The following MYO9B variants were observed in gnomAD, a reference collection of about 807,000 sequenced individuals.
The protein encoded by MYO9B is unconventional myosin-IXb.
MYO9B carries 71 observed loss-of-function variants against 229.5 expected under a neutral mutation model. That is an observed-to-expected ratio of 0.31 (90% CI 0.26 to 0.38). The LOEUF is 0.38. MYO9B is among the 10% of genes least tolerant of loss of function. The probability of loss-of-function intolerance (pLI) is 1.00; values close to 1 mark genes in which losing one functional copy is unlikely to be tolerated. For missense variants in MYO9B, 2,255 were observed against 2,920.5 expected, an observed-to-expected ratio of 0.77 and a Z score of 5.25; for synonymous variants, 1,185 against 1,235.8, an observed-to-expected ratio of 0.96 and a Z score of 0.86.
At chr19:17,191,440 G>A (rs934265126) in intron 20 of MYO9B, among the ~76,000 whole-genome samples, 3 of 152,118 alleles carry the variant, frequency 2.0e-5, no homozygotes, top group Non-Finnish European at 4.4e-5. Flanking sequence ...CTCCCTCCGC[G>A]TCACCTGTTT....
At chr19:17,112,865 G>A (rs1599335477) in intron 2 of MYO9B, among the ~76,000 whole-genome samples, 2 of 152,344 alleles carry the variant, frequency 1.3e-5, no homozygotes, top group African/African-American at 4.8e-5. Flanking sequence ...TGGCCATACA[G>A]GGAGGTGAGT....
chr19:17,189,021 C>T (rs1477919930), intron 19 of MYO9B, among the ~76,000 whole-genome samples: 1 of 150,326 alleles, frequency 6.7e-6, no homozygotes, highest in Non-Finnish European at 1.5e-5. Flanking sequence ...ATTAGCCAGG[C>T]ATGGTGGGGC....
rs1410451044 is a variant in MYO9B, at chr19:17,212,332, G to A, written c.*22G>A. 1.1e-5 allele frequency: 16 copies of A among 1,457,940 alleles called. No individual in the cohort carries two copies. The highest frequency in any genetic ancestry group is 1.4e-5 in the Non-Finnish European group (16 of 1,112,292). 90.3% of individuals were successfully genotyped at this position (1,457,940 alleles called of 1,614,324 possible). On this transcript the variant is annotated 3_prime_UTR_variant, in exon 40 of 40. Transcript: ENST00000682292. The surrounding 1 kb of genome is among the most constrained non-coding windows in gnomAD (Gnocchi z 5.4). ...CTGAGAGCCACAGCTGACAAAGTCT[G>A]CATGTCCGAGGACGGCCCCTGCACT...
At chr19:17,207,418 A>T in intron 35 of MYO9B, 174 bp downstream of exon 35, 1 of 829,118 alleles carries the variant, frequency 1.2e-6, no homozygotes, top group South Asian at 2.1e-5. Context: ...GGATCACTTG[A>T]GGCCAGGAGT....
intron 14 of MYO9B, among the ~76,000 whole-genome samples, chr19:17,179,115 GTAGGGTGTTGAGCAGCATCC>G (rs1005759860): frequency 1.1e-4 from 17 of 151,192 alleles, no homozygotes; most frequent in Non-Finnish European, 2.2e-4. Context: ...CCTGTAGACT[GTAGGGTGTTGAGCAGCATCC>G]CTGGCCTCCA....
Position 17,090,678 on chromosome 19 carries a change from A to G in MYO9B, c.-58-10982A>G, listed in dbSNP as rs113550933. The stretch of plus-strand genomic sequence containing the variant: ...AGGATGTATTTTGCTTCCTGTTCAC[A>G]TTGTCTGTGCGTGGGATGGTCATGA... On this transcript the variant is annotated intron_variant, in intron 1 of 39. Coordinates refer to ENST00000682292, the MANE Select transcript of MYO9B (RefSeq NM_004145.4). Among the ~76,000 whole-genome samples, 133 of 152,220 alleles carry G rather than the reference A, an allele frequency of 8.7e-4. 3 individuals are homozygous for G. Among genetic ancestry groups the G allele is most frequent in the African/African-American group, 3.1e-3 (128 of 41,530 alleles).
At chr19:17,104,024 C>G (rs2057770281) in intron 2 of MYO9B, among the ~76,000 whole-genome samples, 2 of 150,090 alleles carry the variant, frequency 1.3e-5, no homozygotes, top group Admixed American at 6.7e-5. Context: ...TCACTGCACT[C>G]CAGCCTGGGT....
In MYO9B at chr19:17,192,912, A is replaced by T. The variant is rs539852694; in HGVS notation, c.2978A>T (p.Tyr993Phe). Residue 993 changes from tyrosine to phenylalanine, a missense_variant, in exon 21 of 40, where the codon TAC (tyrosine) becomes TTC (phenylalanine). By Grantham distance (22) the Tyr-to-Phe change is conservative. This residue lies in a region of MYO9B where 679 missense variants were observed against 770.2 expected (regional missense o/e 0.88). Transcript: ENST00000682292. ...ACCATCCAGGCCTGCTGGCGGTCCT[A>T]CCGGGTCCGGAGGGCGCTGGAGAGG... ...AVTIQACWRS[Y>F]RVRRALERTQ... 9.0e-6 allele frequency: 14 copies of T among 1,549,896 alleles called. No homozygotes were observed. The highest frequency in any genetic ancestry group is 1.2e-5 in the Non-Finnish European group (14 of 1,147,018).
In MYO9B at chr19:17,193,339, G is replaced by C. The variant is rs572275060; in HGVS notation, c.3128+277G>C. Among the ~76,000 whole-genome samples, 1 of 152,170 alleles carries C rather than the reference G, an allele frequency of 6.6e-6. No individual in the cohort carries two copies. Among genetic ancestry groups the C allele is most frequent in the African/African-American group, 2.4e-5 (1 of 41,448 alleles). ...CTCCCCTGTACCTGGATCGGTCAGGGAACACCTGGATTCAGGGTTGGAGGG... is the reference window on the plus strand; with the variant it reads ...CTCCCCTGTACCTGGATCGGTCAGGCAACACCTGGATTCAGGGTTGGAGGG... On this transcript the variant is annotated intron_variant, in intron 21 of 39. Coordinates refer to ENST00000682292, the MANE Select transcript of MYO9B (RefSeq NM_004145.4). This position sits in a 1 kb window ranked among gnomAD's most constrained non-coding sequence, Gnocchi z 4.3.
At chr19:17,079,724 G>T (rs1033934777) in intron 1 of MYO9B, among the ~76,000 whole-genome samples, 4 of 152,090 alleles carry the variant, frequency 2.6e-5, no homozygotes, top group Admixed American at 6.6e-5. Flanking sequence ...GGGACTGACG[G>T]TCCCTTCTGG....
intron 13 of MYO9B, 101 bp downstream of exon 13, chr19:17,173,064 C>T: frequency 1.5e-6 from 2 of 1,374,304 alleles, no homozygotes; most frequent in Non-Finnish European, 9.9e-7. Context: ...TTAGTACATT[C>T]ATTATGTTGT....
intron 38 of MYO9B, 110 bp downstream of exon 38, chr19:17,210,958 T>A: frequency 6.0e-5 from 48 of 795,742 alleles, no homozygotes; most frequent in Middle Eastern, 3.7e-4. Flanking sequence ...CTGTCATCCC[T>A]AACACTGGGC....
chr19:17,148,964 G>A (rs575892325), intron 3 of MYO9B, among the ~76,000 whole-genome samples: 1 of 152,048 alleles, frequency 6.6e-6, no homozygotes, highest in East Asian at 1.9e-4. Flanking sequence ...TAACTTAATG[G>A]CCTCTGCAAA....
At chr19:17,164,505 C>T (rs778031596) in intron 10 of MYO9B, among the ~76,000 whole-genome samples, 6 of 152,082 alleles carry the variant, frequency 3.9e-5, no homozygotes, top group South Asian at 4.2e-4. Context: ...CTCAGCCTCC[C>T]GAGTAGCTGG....
chr19:17,077,034 C>CT (rs564832806), intron 1 of MYO9B, among the ~76,000 whole-genome samples: 122 of 152,298 alleles, frequency 8.0e-4, no homozygotes, highest in African/African-American at 2.7e-3. Context: ...CGTGGGGACA[C>CT]TTTCCAGCCA....
In MYO9B at chr19:17,192,498, G is replaced by A. The variant is rs1295866806; in HGVS notation, c.2812-248G>A. ...TAGTCCCAGCTACTCGGGAGGCTGA[G>A]GCAGGAGAATCACTTCAACCCAGTA... On this transcript the variant is annotated intron_variant, in intron 20 of 39. Transcript: ENST00000682292. 2.6e-5 allele frequency among the ~76,000 whole-genome samples: 4 copies of A among 151,982 alleles called. No individual in the cohort carries two copies. The East Asian group carries it at 7.7e-4, about 29-fold the overall frequency.
At chr19:17,156,102 A>T (rs903252607) in intron 6 of MYO9B, among the ~76,000 whole-genome samples, 1 of 151,974 alleles carries the variant, frequency 6.6e-6, no homozygotes, top group African/African-American at 2.4e-5. Context: ...GCCAGACACA[A>T]GTACCATCCC....
chr19:17,094,508 C>T (rs1362657059), intron 1 of MYO9B, among the ~76,000 whole-genome samples: 1 of 152,184 alleles, frequency 6.6e-6, no homozygotes, highest in African/African-American at 2.4e-5. Context: ...TCCACATCCC[C>T]AAGCAGCCAC....
At chr19:17,108,676 T>C (rs1011170073) in intron 2 of MYO9B, among the ~76,000 whole-genome samples, 2 of 152,218 alleles carry the variant, frequency 1.3e-5, no homozygotes, top group African/African-American at 4.8e-5. Context: ...TTAGAAATTA[T>C]CTGTGAGTTC....
Sources: allele counts gnomAD v4.1 joint callset (sites outside exome capture counted in the v4.1 genomes callset), GRCh38; gene constraint gnomAD v4.1.1; regional missense constraint gnomAD v4.1.1; non-coding constraint Gnocchi (gnomAD v3.1); transcripts MANE v1.5; gene names NCBI Gene and HGNC (gene_info 2026-07-23, HGNC 2026-07-21).